Variants in SHISA9 observed in about 807,000 individuals in gnomAD.
SHISA9 encodes the protein protein shisa-9.
A neutral mutation model predicts 38.0 loss-of-function variants in SHISA9; 13 were observed. The observed-to-expected ratio is 0.34, with a 90% confidence interval of 0.22 to 0.54. The LOEUF is 0.54. Among genes scored for constraint, SHISA9 ranks in the 20% least tolerant of loss-of-function variants. The pLI is 0.91. For missense variants in SHISA9, 538 were observed against 575.8 expected (o/e 0.93, Z 0.67); for synonymous variants, 275 against 242.0 (o/e 1.14, Z -1.27).
the SHISA9 span, among the ~76,000 whole-genome samples, chr16:13,406,193 A>G: frequency 6.6e-6 from 1 of 152,228 alleles, no homozygotes; most frequent in Non-Finnish European, 1.5e-5. Context: ...TCTTTGGACA[A>G]TAAGAAGAGG....
chr16:13,135,228 C>G (rs1467461047), intron 2 of SHISA9, among the ~76,000 whole-genome samples: 4 of 152,180 alleles, frequency 2.6e-5, no homozygotes, highest in African/African-American at 9.7e-5. Flanking sequence ...GCAAATGTAT[C>G]AGCAGGTATG....
At chr16:13,525,071 C>A in the SHISA9 span, among the ~76,000 whole-genome samples, 1 of 152,180 alleles carries the variant, frequency 6.6e-6, no homozygotes, top group African/African-American at 2.4e-5. Flanking sequence ...AAAATTATAC[C>A]AGGGGTTGAT....
chr16:13,087,582 A>G (rs1205080743), intron 2 of SHISA9, among the ~76,000 whole-genome samples: 1 of 152,170 alleles, frequency 6.6e-6, no homozygotes, highest in East Asian at 1.9e-4. Flanking sequence ...ATCAGTGATG[A>G]TGAGCATTTT....
At chr16:13,225,881 G>C (rs204026) in intron 4 of SHISA9, among the ~76,000 whole-genome samples, 119,275 of 152,026 alleles carry the variant, frequency 0.78, 47,058 homozygotes, top group Middle Eastern at 0.85. Context: ...GGCAATTAGG[G>C]TCATTAGAAG....
intron 2 of SHISA9, among the ~76,000 whole-genome samples, chr16:12,994,312 G>A (rs2072429223): frequency 1.3e-5 from 2 of 152,154 alleles, no homozygotes; most frequent in Admixed American, 6.5e-5. Flanking sequence ...ATGTTTTGGA[G>A]GTCACTGAGG....
the SHISA9 span, among the ~76,000 whole-genome samples, chr16:13,415,262 A>G: frequency 6.6e-6 from 1 of 152,220 alleles, no homozygotes; most frequent in African/African-American, 2.4e-5. Context: ...CAGCTATAAA[A>G]AAGAATATCG....
chr16:13,105,817 C>T (rs749555979), intron 2 of SHISA9, among the ~76,000 whole-genome samples: 14 of 152,240 alleles, frequency 9.2e-5, no homozygotes, highest in Non-Finnish European at 1.9e-4. Flanking sequence ...TCTGCCTGGC[C>T]GGGGTACAGA....
At chr16:13,074,959 T>G (rs2073564203) in intron 2 of SHISA9, among the ~76,000 whole-genome samples, 1 of 152,114 alleles carries the variant, frequency 6.6e-6, no homozygotes. Flanking sequence ...CCACCGTGCC[T>G]GGCCATTACT....
chr16:12,946,301 T>C (rs2071687627), intron 2 of SHISA9, among the ~76,000 whole-genome samples: 1 of 152,202 alleles, frequency 6.6e-6, no homozygotes. Flanking sequence ...TTCTTTTTGC[T>C]TAGGATTTTC....
At chr16:13,211,399 ATT>A (rs990968193) in intron 3 of SHISA9, among the ~76,000 whole-genome samples, 5 of 152,136 alleles carry the variant, frequency 3.3e-5, no homozygotes, top group African/African-American at 9.7e-5. Flanking sequence ...CTGGAGGTAT[ATT>A]TTACATACAG....
chr16:13,476,751 T>TTG, the SHISA9 span, among the ~76,000 whole-genome samples: 1 of 131,430 alleles, frequency 7.6e-6, no homozygotes, highest in Admixed American at 7.4e-5. Flanking sequence ...TTTTTTTTTT[T>TTG]TTTTTTTTTT....
chr16:13,414,137 A>G, the SHISA9 span, among the ~76,000 whole-genome samples: 1 of 152,186 alleles, frequency 6.6e-6, no homozygotes, highest in Non-Finnish European at 1.5e-5. Context: ...AACAAATGAG[A>G]TGGAGTTAGG....
At chr16:13,054,757 C>G (rs2073290749) in intron 2 of SHISA9, among the ~76,000 whole-genome samples, 2 of 152,206 alleles carry the variant, frequency 1.3e-5, no homozygotes, top group African/African-American at 4.8e-5. Context: ...TCTGGCCTCT[C>G]TCTGCACCTC....
the SHISA9 span, among the ~76,000 whole-genome samples, chr16:13,556,255 A>G: frequency 4.6e-5 from 7 of 152,348 alleles, no homozygotes; most frequent in African/African-American, 1.2e-4. Flanking sequence ...CCCATTTAAC[A>G]GACGAAAATG....
the SHISA9 span, among the ~76,000 whole-genome samples, chr16:13,395,049 G>A: frequency 2.0e-5 from 3 of 152,190 alleles, no homozygotes; most frequent in East Asian, 5.8e-4. Context: ...CCCAGAAGGG[G>A]AATGATGAGG....
chr16:13,123,460 G>T (rs1285300830), intron 2 of SHISA9, among the ~76,000 whole-genome samples: 1 of 152,148 alleles, frequency 6.6e-6, no homozygotes, highest in Non-Finnish European at 1.5e-5. Context: ...AGAGATTAGT[G>T]GTCTAGTTGC....
the SHISA9 span, among the ~76,000 whole-genome samples, chr16:13,285,079 A>C: frequency 6.6e-6 from 1 of 151,558 alleles, no homozygotes; most frequent in Non-Finnish European, 1.5e-5. Context: ...TTTTTCTTTT[A>C]CATTCCACCC....
At chr16:13,417,647 C>T in the SHISA9 span, among the ~76,000 whole-genome samples, 9 of 152,198 alleles carry the variant, frequency 5.9e-5, no homozygotes, top group African/African-American at 1.9e-4. Flanking sequence ...TGAATGTCAT[C>T]GTAGTGGGAA....
At chr16:12,942,954 C>T (rs7201008) in intron 2 of SHISA9, among the ~76,000 whole-genome samples, 48,589 of 151,866 alleles carry the variant, frequency 0.32, 8,014 homozygotes, top group Middle Eastern at 0.43. Context: ...ATTTTGTGTG[C>T]CTCTCTTGGC....
Sources: allele counts gnomAD v4.1 joint callset (sites outside exome capture counted in the v4.1 genomes callset), GRCh38; gene constraint gnomAD v4.1.1; transcripts MANE v1.5; gene names NCBI Gene and HGNC (gene_info 2026-07-23, HGNC 2026-07-21).